BTAF1: variants seen among roughly 807,000 people sequenced by gnomAD.
BTAF1 encodes the protein B-TFIID TATA-box binding protein associated factor 1.
BTAF1 carries 38 observed loss-of-function variants against 227.1 expected under a neutral mutation model. The observed-to-expected ratio is 0.17, with a 90% CI of 0.13 to 0.22. The LOEUF is 0.22. BTAF1 is among the 10% of genes least tolerant of loss of function. The pLI is 1.00. For missense variants in BTAF1, 1,598 were observed against 2,204.0 expected (o/e 0.73, Z 5.51); for synonymous variants, 742 against 751.9 (o/e 0.99, Z 0.21).
intron 28 of BTAF1, among the ~76,000 whole-genome samples, chr10:92,009,883 C>T (rs1850179218): frequency 6.6e-6 from 1 of 151,926 alleles, no homozygotes; most frequent in South Asian, 2.1e-4. Context: ...GATTTCAGCT[C>T]ATTGATTTTT....
rs527959853 is a variant in BTAF1 at position 91,937,525 on chromosome 10, C to T, written c.138+1745C>T. 7.2e-5 allele frequency among the ~76,000 whole-genome samples: 11 copies of T among 152,194 alleles called. No homozygotes were observed. In the South Asian group the frequency reaches 1.5e-3, roughly 20 times the overall value. On this transcript the variant is annotated intron_variant, in intron 2 of 37. Coordinates refer to ENST00000265990, the MANE Select transcript of BTAF1 (RefSeq NM_003972.3). ...TAAACTAACTTTATAGGAAGATTTG[C>T]CTATCCTGAACATTTTATATAAAAT...
At chr10:92,010,348 TCA>T (rs1850212959) in intron 28 of BTAF1, among the ~76,000 whole-genome samples, 1 of 152,224 alleles carries the variant, frequency 6.6e-6, no homozygotes, top group Non-Finnish European at 1.5e-5. Context: ...AACTCAATTC[TCA>T]GTTTCAATAT....
In BTAF1 at chr10:91,967,664, C is replaced by G. The variant is rs145471856; in HGVS notation, c.1650+907C>G. Among the ~76,000 whole-genome samples the G allele has an allele frequency of 2.3e-3, 353 of 152,296 alleles. 1 individual carries two copies. The highest frequency in any genetic ancestry group is 7.4e-3 in the African/African-American group (308 of 41,562). The stretch of plus-strand genomic sequence containing the variant: ...TTTTGATTTTGTCTGATCCAAATCT[C>G]TGAGAACAACTGTCAGGTTTGTTTT... On this transcript the variant is annotated intron_variant, in intron 14 of 37. Transcript: ENST00000265990.
intron 1 of BTAF1, among the ~76,000 whole-genome samples, chr10:91,933,242 G>A (rs548002632): frequency 6.6e-6 from 1 of 152,336 alleles, no homozygotes; most frequent in East Asian, 1.9e-4. Flanking sequence ...GTAGGTAAGT[G>A]TGAGCCATTG....
intron 35 of BTAF1, among the ~76,000 whole-genome samples, 173 bp downstream of exon 35, chr10:92,025,140 T>TAG (rs1851409060): frequency 6.6e-6 from 1 of 152,122 alleles, no homozygotes. Flanking sequence ...TATAATCGAA[T>TAG]AGATTATTTG....
intron 1 of BTAF1, among the ~76,000 whole-genome samples, chr10:91,924,491 T>A (rs139203604): frequency 3.9e-5 from 6 of 152,378 alleles, no homozygotes; most frequent in African/African-American, 1.4e-4. Context: ...CCTGAATTAC[T>A]ATTATCTAAG....
chr10:91,924,843 A>G (rs910753552), intron 1 of BTAF1, among the ~76,000 whole-genome samples: 5 of 152,224 alleles, frequency 3.3e-5, no homozygotes, highest in Non-Finnish European at 4.4e-5. Context: ...TGTAAGCGGA[A>G]TTTGGTGACC....
chr10:91,978,760 G>A (rs1847866127), intron 14 of BTAF1, among the ~76,000 whole-genome samples: 1 of 148,138 alleles, frequency 6.8e-6, no homozygotes, highest in South Asian at 2.2e-4. Context: ...CAGAAAAGTA[G>A]AGTTAAGACA....
At chr10:91,952,546 A>G (rs1366063983) in intron 5 of BTAF1, among the ~76,000 whole-genome samples, 6 of 152,236 alleles carry the variant, frequency 3.9e-5, no homozygotes, top group African/African-American at 1.4e-4. Context: ...GCAATTATGA[A>G]TCTCCTGTCT....
intron 1 of BTAF1, among the ~76,000 whole-genome samples, chr10:91,929,765 A>G (rs1844147057): frequency 6.6e-6 from 1 of 152,084 alleles, no homozygotes; most frequent in Non-Finnish European, 1.5e-5. Context: ...TGTGTTGGCC[A>G]GGGTGGTCTT....
intron 25 of BTAF1, among the ~76,000 whole-genome samples, chr10:92,004,495 T>TCTCA (rs1422667793): frequency 6.6e-6 from 1 of 152,200 alleles, no homozygotes; most frequent in Non-Finnish European, 1.5e-5. Context: ...TGAGAAAAGG[T>TCTCA]CTCACTCTGT....
chr10:91,947,938 A>G (rs982080524), intron 4 of BTAF1, among the ~76,000 whole-genome samples: 1 of 152,026 alleles, frequency 6.6e-6, no homozygotes, highest in South Asian at 2.1e-4. Context: ...TCTTAATTTC[A>G]TATTTGGGCT....
intron 4 of BTAF1, among the ~76,000 whole-genome samples, chr10:91,945,850 G>T (rs1159912401): frequency 6.6e-6 from 1 of 152,006 alleles, no homozygotes; most frequent in African/African-American, 2.4e-5. Flanking sequence ...ATTTTTTGAG[G>T]AGCTGCCATT....
In BTAF1 at chr10:92,018,944, G is replaced by GTC. The variant is rs764560198; in HGVS notation, c.4863+11_4863+12dup. On this transcript the variant is annotated intron_variant, in intron 34 of 37. Transcript: ENST00000265990. ...TCTCAGCTTTGAAACAAGTATGTATGTCTTTTAAGTGTTAAATGTGTGTTG... is the reference window on the plus strand; with the variant it reads ...TCTCAGCTTTGAAACAAGTATGTATGTCTCTTTTAAGTGTTAAATGTGTGTTG... 2 of 1,527,204 alleles carry GTC rather than the reference G, an allele frequency of 1.3e-6. No individual in the cohort carries two copies. The highest frequency in any genetic ancestry group is 1.8e-6 in the Non-Finnish European group (2 of 1,139,530). 94.6% of individuals were successfully genotyped at this position (1,527,204 alleles called of 1,614,324 possible). A position where few individuals can be genotyped will look rare whatever the true frequency, so the allele number is the denominator to read the frequency against.
chr10:91,984,960 A>G (rs1848304563), intron 19 of BTAF1, among the ~76,000 whole-genome samples: 1 of 152,178 alleles, frequency 6.6e-6, no homozygotes, highest in Admixed American at 6.5e-5. Context: ...AGGATTTTAT[A>G]TAATTAACTA....
rs117463900 is a variant in BTAF1 at position 92,030,929 on chromosome 10, A to G, written c.*1996A>G. 2.7e-3 allele frequency among the ~76,000 whole-genome samples: 416 copies of G among 152,338 alleles called. 1 individual carries two copies. The highest frequency in any genetic ancestry group is 5.0e-3 in the Non-Finnish European group (342 of 68,018). ...TGACCCAGTCATTGTAGTACATCTT[A>G]AGAATAATGAAGAGATGTGGAGAAT... On this transcript the variant is annotated 3_prime_UTR_variant, in exon 38 of 38. Coordinates refer to ENST00000265990, the MANE Select transcript of BTAF1 (RefSeq NM_003972.3).
rs1191614969 is a variant in BTAF1, at chr10:91,948,278, G to A, written c.401-3125G>A. On this transcript the variant is annotated intron_variant, in intron 4 of 37. Coordinates refer to ENST00000265990, the MANE Select transcript of BTAF1 (RefSeq NM_003972.3). ...TATTGCTTTATCTTTAAGTTCACTT[G>A]CATTTTGTCCTGTTATCTTCCATTA... is the stretch of plus-strand genomic sequence containing the variant. Among the ~76,000 whole-genome samples the A allele has an allele frequency of 2.7e-5, 4 of 150,524 alleles. No individual in the cohort carries two copies. The South Asian group carries it at 8.4e-4, about 31-fold the overall frequency.
At chr10:91,975,900 C>A (rs745772951) in intron 14 of BTAF1, among the ~76,000 whole-genome samples, 11 of 152,192 alleles carry the variant, frequency 7.2e-5, no homozygotes, top group Non-Finnish European at 1.2e-4. Flanking sequence ...TTTTTCCTTA[C>A]ACCAACCAAT....
chr10:91,986,682 G>C (rs1848414714), intron 19 of BTAF1, among the ~76,000 whole-genome samples: 1 of 151,912 alleles, frequency 6.6e-6, no homozygotes, highest in South Asian at 2.1e-4. Flanking sequence ...TTTCTTTATA[G>C]TCTAGGTTCC....
Sources: gnomAD v4.1 joint callset for allele counts (sites outside exome capture counted in the v4.1 genomes callset) on GRCh38, gnomAD v4.1.1 for gene constraint, MANE v1.5 for transcripts, NCBI Gene and HGNC (gene_info 2026-07-23, HGNC 2026-07-21) for gene names.